Variants in EDA observed in about 807,000 individuals in gnomAD.
The protein encoded by EDA is ectodysplasin-A.
A neutral mutation model predicts 23.6 loss-of-function variants in EDA; 2 were observed. That is an observed-to-expected ratio of 0.08 (90% CI 0.03 to 0.27). The LOEUF (loss-of-function observed/expected upper bound fraction) is 0.27, where lower values mean the gene tolerates loss of function less well. EDA is among the 10% of genes least tolerant of loss of function. EDA has a pLI of 1.00. For missense variants in EDA, 229 were observed against 324.2 expected (o/e 0.71, Z 2.26); for synonymous variants, 131 against 132.0 (o/e 0.99, Z 0.05).
At chrX:69,785,617 C>G (rs1238370519) in intron 1 of EDA, among the ~76,000 whole-genome samples, 1 of 110,321 alleles carries the variant, frequency 9.1e-6, no homozygotes, top group African/African-American at 3.3e-5. Flanking sequence ...GCATATTGAA[C>G]CAGCCTTGCA....
At chrX:69,881,379 C>A (rs991921207) in intron 1 of EDA, among the ~76,000 whole-genome samples, 3 of 110,634 alleles carry the variant, frequency 2.7e-5, no homozygotes, top group Non-Finnish European at 5.7e-5. Context: ...TAATGGGGAT[C>A]CCTCCAGGGC....
intron 1 of EDA, among the ~76,000 whole-genome samples, chrX:69,811,168 T>A (rs1453940804): frequency 1.8e-5 from 2 of 111,976 alleles, no homozygotes; most frequent in Non-Finnish European, 3.8e-5. Flanking sequence ...ATGTAGACTT[T>A]CCCCTGAGCA....
chrX:69,897,637 T>A (rs899368331), intron 1 of EDA, among the ~76,000 whole-genome samples: 4 of 112,020 alleles, frequency 3.6e-5, no homozygotes, highest in Non-Finnish European at 7.5e-5. Flanking sequence ...AGATAGATGT[T>A]TAATGACAAA....
At chrX:69,841,242 T>C (rs1422316630) in intron 1 of EDA, among the ~76,000 whole-genome samples, 1 of 111,784 alleles carries the variant, frequency 8.9e-6, no homozygotes, top group Non-Finnish European at 1.9e-5. Flanking sequence ...CTATGGTCAA[T>C]AGTAGAGGAG....
intron 1 of EDA, among the ~76,000 whole-genome samples, chrX:69,674,681 T>G (rs906136434): frequency 8.9e-6 from 1 of 112,184 alleles, no homozygotes. Flanking sequence ...TTTGCCTTCA[T>G]GTCCTGACTC....
intron 1 of EDA, among the ~76,000 whole-genome samples, chrX:69,722,380 G>T (rs753922537): frequency 1.8e-3 from 196 of 109,501 alleles, no homozygotes; most frequent in African/African-American, 6.0e-3. Flanking sequence ...TCATTTTTTT[G>T]TATTTTTAGT....
At chrX:69,896,767 A>G (rs2018022170) in intron 1 of EDA, among the ~76,000 whole-genome samples, 1 of 110,852 alleles carries the variant, frequency 9.0e-6, no homozygotes. Context: ...ACTTTAGTCC[A>G]TTTGACTTAT....
intron 1 of EDA, among the ~76,000 whole-genome samples, chrX:69,917,597 G>A (rs975989730): frequency 1.8e-5 from 2 of 111,342 alleles, no homozygotes; most frequent in African/African-American, 6.5e-5. Flanking sequence ...TTTACCTATC[G>A]TTTGAACACA....
At chrX:69,749,698 G>A (rs2013748821) in intron 1 of EDA, 1 of 111,335 alleles carries the variant, frequency 9.0e-6, no homozygotes, top group East Asian at 2.8e-4. Context: ...TCTCTTCTTG[G>A]CTGCAGGAAA....
chrX:69,998,128 C>A (rs998156381), intron 2 of EDA, among the ~76,000 whole-genome samples: 1 of 111,684 alleles, frequency 9.0e-6, no homozygotes, highest in African/African-American at 3.3e-5. Context: ...CTGCTTGCAC[C>A]ATGCACCTGG....
chrX:69,761,966 C>A (rs5980850), intron 1 of EDA, among the ~76,000 whole-genome samples: 21,196 of 110,248 alleles, frequency 0.19, 1,570 homozygotes, highest in African/African-American at 0.24. Flanking sequence ...TATGTTTTTA[C>A]GGGTAAAGAA....
intron 3 of EDA, among the ~76,000 whole-genome samples, chrX:70,027,398 G>A (rs763114720): frequency 7.2e-5 from 8 of 111,543 alleles, no homozygotes; most frequent in East Asian, 5.7e-4. Context: ...TAAGACAGAC[G>A]GAGACAGGGA....
chrX:69,946,050 T>G (rs1022300363), intron 1 of EDA, among the ~76,000 whole-genome samples: 1 of 112,087 alleles, frequency 8.9e-6, no homozygotes, highest in African/African-American at 3.2e-5. Flanking sequence ...TCACAGTGGC[T>G]TTGCTGGTCT....
At chrX:69,765,034 T>C (rs2014429291) in intron 1 of EDA, among the ~76,000 whole-genome samples, 1 of 111,984 alleles carries the variant, frequency 8.9e-6, no homozygotes, top group South Asian at 3.7e-4. Context: ...TCTTAAACTG[T>C]TTAGCTTCTG....
At chrX:69,636,911 T>C (rs1444527522) in intron 1 of EDA, among the ~76,000 whole-genome samples, 7 of 111,174 alleles carry the variant, frequency 6.3e-5, no homozygotes, top group African/African-American at 2.3e-4. Flanking sequence ...GGTTGTAGCA[T>C]TGTCACAAGT....
At chrX:69,810,754 C>G (rs767062115) in intron 1 of EDA, among the ~76,000 whole-genome samples, 6 of 45,476 alleles carry the variant, frequency 1.3e-4, no homozygotes, top group African/African-American at 1.3e-3. Context: ...GAGACTCCAT[C>G]TCAAAAAAAA....
intron 1 of EDA, among the ~76,000 whole-genome samples, chrX:69,946,665 G>T (rs1262455522): frequency 4.5e-5 from 5 of 110,623 alleles, no homozygotes; most frequent in Admixed American, 9.7e-5. Context: ...CCTCCCCCAA[G>T]TTCTGACTGT....
intron 1 of EDA, among the ~76,000 whole-genome samples, chrX:69,665,638 G>C (rs749121246): frequency 9.0e-6 from 1 of 110,745 alleles, no homozygotes; most frequent in Non-Finnish European, 1.9e-5. Flanking sequence ...TTTCCTGGGC[G>C]CTCTATTCTG....
At chrX:69,832,199 C>T (rs770215463) in intron 1 of EDA, among the ~76,000 whole-genome samples, 49 of 111,479 alleles carry the variant, frequency 4.4e-4, no homozygotes, top group Admixed American at 2.4e-3. Context: ...TAATCAATCT[C>T]GAGTTAATTT....
Sources: gnomAD v4.1 joint callset for allele counts (sites outside exome capture counted in the v4.1 genomes callset) on GRCh38, gnomAD v4.1.1 for gene constraint, MANE v1.5 for transcripts, NCBI Gene and HGNC (gene_info 2026-07-23, HGNC 2026-07-21) for gene names.